The following LYPD1 variants were observed in gnomAD, a reference collection of about 807,000 sequenced individuals.
LYPD1 encodes the protein ly6/PLAUR domain-containing protein 1.
A neutral mutation model predicts 14.2 loss-of-function variants in LYPD1; 14 were observed. The ratio of observed to expected loss-of-function variants is 0.99; its 90% CI spans 0.65 to 1.54. The LOEUF is 1.54. Ranked by LOEUF, LYPD1 falls within the 40% of genes most tolerant of loss-of-function variation. The pLI is 0.00. For synonymous variants in LYPD1, 85 were observed against 70.6 expected (o/e 1.20, Z -1.02); for missense variants, 165 against 175.7 (o/e 0.94, Z 0.34).
In LYPD1 at chr2:132,668,411, T is replaced by G; in HGVS notation, c.179A>C (p.Glu60Ala). The change falls in exon 2 of 3, where the codon GAG becomes GCG. Residue 60 changes from glutamate (E) to alanine (A), a missense_variant. Physicochemically the swap from Glu to Ala is moderately radical, Grantham distance 107. Coordinates refer to ENST00000397463, the MANE Select transcript of LYPD1 (RefSeq NM_144586.7). Reference protein sequence around the residue: ...VQDMCQKEVMEQSAGIMYRKS... With the variant: ...VQDMCQKEVMAQSAGIMYRKS... ...TGCCAGGCTCTTACCGGCACTTTGC[T>G]CCATCACTTCTTTCTGACACATGTC... 6.2e-7 allele frequency: 1 copy of G among 1,604,608 alleles called. No individual in the cohort carries two copies. Among genetic ancestry groups the G allele is most frequent in the East Asian group, 2.3e-5 (1 of 43,960 alleles).
Position 132,661,549 on chromosome 2 carries a change from T to C in LYPD1, c.190+6851A>G, listed in dbSNP as rs1449032998. ...CAGCAAGAGGAAGGACACATCTACC[T>C]ATGGAATAAAAAACAAAACAAAACA... On this transcript the variant is annotated intron_variant, in intron 2 of 2. Transcript: ENST00000397463. Among the ~76,000 whole-genome samples the C allele has an allele frequency of 2.0e-5, 3 of 152,066 alleles. No individual in the cohort carries two copies. The East Asian group carries it at 5.8e-4, about 29-fold the overall frequency.
Position 132,646,047 on chromosome 2 carries a change from A to G in LYPD1, c.424T>C (p.Ter142ArgextTer2). The G allele has an allele frequency of 1.9e-6, 3 of 1,556,200 alleles. No homozygotes were observed. The highest frequency in any genetic ancestry group is 2.6e-6 in the Non-Finnish European group (3 of 1,148,230). Reference sequence around the variant, plus strand: ...AGGGGGTGGCATCTCCTTCAGCTTCAGCAGTGTGCCGAGAAGAGGGCTAAT... The same window carrying G: ...AGGGGGTGGCATCTCCTTCAGCTTCGGCAGTGTGCCGAGAAGAGGGCTAAT... ...LKLALFSAHC* is the reference protein window; with the variant it reads ...LKLALFSAHCR Residue 142 changes from the stop codon to arginine, a stop_lost, in exon 3 of 3, where the codon TGA becomes CGA. Coordinates refer to ENST00000397463, the MANE Select transcript of LYPD1 (RefSeq NM_144586.7).
At chr2:132,670,807 TG>T (rs1462663125), upstream of LYPD1, among the ~76,000 whole-genome samples, 1 of 151,960 alleles carries the variant, frequency 6.6e-6, no homozygotes, top group Non-Finnish European at 1.5e-5. The surrounding 1 kb of genome is among the most constrained non-coding windows in gnomAD (Gnocchi z 4.5). Flanking sequence ...CCAATCTGGG[TG>T]GGGGTGTGGT....
rs775614381 is a variant in LYPD1 at position 132,668,405 on chromosome 2, C to A, written c.185G>T (p.Ser62Ile). 62 of 1,604,112 alleles carry A rather than the reference C, an allele frequency of 3.9e-5. No individual in the cohort carries two copies. Among genetic ancestry groups the A allele is most frequent in the Non-Finnish European group, 5.0e-5 (59 of 1,175,314 alleles). The change falls in exon 2 of 3, where the codon AGT (serine) becomes ATT (isoleucine). Residue 62 changes from serine (S) to isoleucine (I), a missense_variant. Physicochemically the swap from Ser to Ile is moderately radical, Grantham distance 142. Coordinates refer to ENST00000397463, the MANE Select transcript of LYPD1 (RefSeq NM_144586.7). ...GAGGGCTGCCAGGCTCTTACCGGCACTTTGCTCCATCACTTCTTTCTGACA... is the reference window on the plus strand; with the variant it reads ...GAGGGCTGCCAGGCTCTTACCGGCAATTTGCTCCATCACTTCTTTCTGACA... ...DMCQKEVMEQSAGIMYRKSCA... is the reference protein window; with the variant it reads ...DMCQKEVMEQIAGIMYRKSCA...
chr2:132,654,344 T>C (rs901520084), intron 2 of LYPD1, among the ~76,000 whole-genome samples: 1 of 151,064 alleles, frequency 6.6e-6, no homozygotes, highest in Non-Finnish European at 1.5e-5. Context: ...GAGGTTGCAG[T>C]GTGCTGAAAT....
At chr2:132,666,233 C>CA (rs963002024) in intron 2 of LYPD1, among the ~76,000 whole-genome samples, 1 of 152,118 alleles carries the variant, frequency 6.6e-6, no homozygotes, top group African/African-American at 2.4e-5. Context: ...TCCTTATTGG[C>CA]AAAAAATTAA....
At chr2:132,650,968 C>A (rs1682341307) in intron 2 of LYPD1, among the ~76,000 whole-genome samples, 1 of 152,156 alleles carries the variant, frequency 6.6e-6, no homozygotes. Context: ...AATCTGTACT[C>A]TTAACCATTA....
chr2:132,670,050 C>G lies in LYPD1; in HGVS notation c.-118G>C. On this transcript the variant is annotated 5_prime_UTR_variant, in exon 1 of 3. Coordinates refer to ENST00000397463, the MANE Select transcript of LYPD1 (RefSeq NM_144586.7). The surrounding 1 kb of genome is among the most constrained non-coding windows in gnomAD (Gnocchi z 4.5). ...AGGCTGCTGGGGCCCGCGCTGCTGC[C>G]GCGGAGACGACGGTCGTAGCTTAGA... is the stretch of plus-strand genomic sequence containing the variant. 3 of 1,537,104 alleles carry G rather than the reference C, an allele frequency of 2.0e-6. No homozygotes were observed. The highest frequency in any genetic ancestry group is 1.7e-6 in the Non-Finnish European group (2 of 1,151,406).
In LYPD1 at chr2:132,669,024, G is replaced by C. The variant is rs1683461219; in HGVS notation, c.53-487C>G. On this transcript the variant is annotated intron_variant, in intron 1 of 2. Transcript: ENST00000397463. The surrounding 1 kb of genome is among the most constrained non-coding windows in gnomAD (Gnocchi z 4.3). ...TTTTAAAGTCAGCGTTTCTGTGCCA[G>C]GGCTCTGAGGATCCCTGAGCGACCA... Among the ~76,000 whole-genome samples, 1 of 152,240 alleles carries C rather than the reference G, an allele frequency of 6.6e-6. No individual in the cohort carries two copies. Among genetic ancestry groups the C allele is most frequent in the African/African-American group, 2.4e-5 (1 of 41,468 alleles).
At chr2:132,656,009 G>A (rs1682575548) in intron 2 of LYPD1, among the ~76,000 whole-genome samples, 1 of 152,164 alleles carries the variant, frequency 6.6e-6, no homozygotes, top group South Asian at 2.1e-4. Flanking sequence ...CAGAGAGTTT[G>A]AAGCTACAAT....
rs143152909 is a variant in LYPD1 at position 132,645,380 on chromosome 2, A to G, written c.*665T>C. 2.1e-4 allele frequency: 346 copies of G among 1,613,236 alleles called. No individual in the cohort carries two copies. In the African/African-American group the frequency reaches 4.3e-3, roughly 20 times the overall value. On this transcript the variant is annotated 3_prime_UTR_variant, in exon 3 of 3. Transcript: ENST00000397463. ...GAGAAGCGCCTGCGCGTACATGCGC[A>G]CTCCACCACCGACAGCGCCCGCTTT...
In LYPD1 at chr2:132,645,455, G is replaced by A. The variant is rs779259145; in HGVS notation, c.*590C>T. 1.9e-6 allele frequency: 3 copies of A among 1,613,838 alleles called. No individual in the cohort carries two copies. In the Admixed American group the frequency reaches 5.0e-5, roughly 27 times the overall value. On this transcript the variant is annotated 3_prime_UTR_variant, in exon 3 of 3. Coordinates refer to ENST00000397463, the MANE Select transcript of LYPD1 (RefSeq NM_144586.7). Reference sequence around the variant, plus strand: ...TCCCGGCGCCAGTCCTCTGCAAGGAGAACTGAGAAGATTTTCTTAAGCACT... The same window carrying A: ...TCCCGGCGCCAGTCCTCTGCAAGGAAAACTGAGAAGATTTTCTTAAGCACT...
intron 2 of LYPD1, among the ~76,000 whole-genome samples, chr2:132,650,627 A>G (rs1682323775): frequency 6.6e-6 from 1 of 152,116 alleles, no homozygotes; most frequent in Non-Finnish European, 1.5e-5. Context: ...ACAAAGCCAT[A>G]GAAGATGATA....
chr2:132,668,627 C>G, intron 1 of LYPD1, 90 bp from the exon 2 acceptor site: 1 of 1,526,436 alleles, frequency 6.6e-7, no homozygotes, highest in South Asian at 1.2e-5. Context: ...AGCCAGGCGG[C>G]TCCCAGCCTC....
intron 2 of LYPD1, among the ~76,000 whole-genome samples, chr2:132,650,133 A>C (rs1031247158): frequency 1.3e-5 from 2 of 152,234 alleles, no homozygotes; most frequent in Non-Finnish European, 2.9e-5. Flanking sequence ...GTAAGGAATA[A>C]ATAACTCATT....
In LYPD1 at chr2:132,669,825, C is replaced by A. The variant is rs772813533; in HGVS notation, c.52+56G>T. The A allele has an allele frequency of 6.3e-7, 1 of 1,599,226 alleles. No individual in the cohort carries two copies. The highest frequency in any genetic ancestry group is 1.1e-5 in the South Asian group (1 of 89,360). ...GGCGCCTTGGGGGCAAAAGGGCTGG[C>A]GGGTAGATGGATTGTGCGCACCTGG... is the stretch of plus-strand genomic sequence containing the variant. On this transcript the variant is annotated intron_variant, in intron 1 of 2. Coordinates refer to ENST00000397463, the MANE Select transcript of LYPD1 (RefSeq NM_144586.7). The surrounding 1 kb of genome is among the most constrained non-coding windows in gnomAD (Gnocchi z 4.3).
upstream of LYPD1, among the ~76,000 whole-genome samples, chr2:132,670,809 G>A (rs1573773459): frequency 6.6e-6 from 1 of 152,136 alleles, no homozygotes; most frequent in African/African-American, 2.4e-5. This position sits in a 1 kb window ranked among gnomAD's most constrained non-coding sequence, Gnocchi z 4.5. Context: ...AATCTGGGTG[G>A]GGGTGTGGTG....
At chr2:132,655,010 G>A (rs1473440757) in intron 2 of LYPD1, among the ~76,000 whole-genome samples, 1 of 152,118 alleles carries the variant, frequency 6.6e-6, no homozygotes, top group Non-Finnish European at 1.5e-5. Flanking sequence ...GGGATTACAA[G>A]CATGAGCCAC....
chr2:132,669,500 C>T lies in LYPD1; in HGVS notation c.52+381G>A, dbSNP rs188069158. 1.3e-5 allele frequency among the ~76,000 whole-genome samples: 2 copies of T among 152,198 alleles called. No homozygotes were observed. Among genetic ancestry groups the T allele is most frequent in the African/African-American group, 4.8e-5 (2 of 41,548 alleles). On this transcript the variant is annotated intron_variant, in intron 1 of 2. Transcript: ENST00000397463. This position sits in a 1 kb window ranked among gnomAD's most constrained non-coding sequence, Gnocchi z 4.3. ...GCTGCCTCGCGCATCGCTCACCTGTCGGCGGCGCCACTCCCACGGGGTGCC... is the reference window on the plus strand; with the variant it reads ...GCTGCCTCGCGCATCGCTCACCTGTTGGCGGCGCCACTCCCACGGGGTGCC...
Sources: gnomAD v4.1 joint callset for allele counts (sites outside exome capture counted in the v4.1 genomes callset) on GRCh38, gnomAD v4.1.1 for gene constraint, Gnocchi (gnomAD v3.1) non-coding constraint, MANE v1.5 for transcripts, NCBI Gene and HGNC (gene_info 2026-07-23, HGNC 2026-07-21) for gene names.